PCDHA2: variants seen among roughly 807,000 people sequenced by gnomAD.
The protein encoded by PCDHA2 is protocadherin alpha-2.
Under a neutral mutation model 66.0 loss-of-function variants are expected in PCDHA2, and 58 were observed. The observed-to-expected ratio is 0.88, with a 90% CI of 0.71 to 1.09. The LOEUF (loss-of-function observed/expected upper bound fraction) is 1.09, where lower values mean the gene tolerates loss of function less well. Among genes scored for constraint, PCDHA2 ranks in the 50% least tolerant of loss-of-function variants. The pLI is 0.00. For missense variants in PCDHA2, 1,267 were observed against 1,242.3 expected (o/e 1.02, Z -0.30); for synonymous variants, 634 against 554.0 (o/e 1.14, Z -2.03).
intron 1 of PCDHA2, chr5:140,926,714 C>G: frequency 1.1e-6 from 1 of 951,084 alleles, no homozygotes; most frequent in Non-Finnish European, 1.4e-6. Context: ...TGGCCAGCCC[C>G]GGCAATGCCG....
chr5:140,808,850 G>A (rs1377582762), intron 1 of PCDHA2: 4 of 1,613,128 alleles, frequency 2.5e-6, no homozygotes, highest in South Asian at 1.1e-5. Context: ...GCAGGTGTTC[G>A]TGCTGGACGA....
At chr5:140,911,299 T>A (rs1583781432) in intron 1 of PCDHA2, among the ~76,000 whole-genome samples, 1 of 152,154 alleles carries the variant, frequency 6.6e-6, no homozygotes, top group Non-Finnish European at 1.5e-5. Flanking sequence ...CTTTTACATA[T>A]CCCCATTCCA....
At chr5:140,821,663 A>G (rs1483441672) in intron 1 of PCDHA2, 31 of 1,228,850 alleles carry the variant, frequency 2.5e-5, no homozygotes, top group Non-Finnish European at 1.6e-5. Flanking sequence ...TGGCTGTGCC[A>G]AGAAGCTCAG....
At position 140,802,739 on chromosome 5, in the gene PCDHA2, C is replaced by T. The variant is rs1763012821; in HGVS notation, c.2388+5387C>T. On this transcript the variant is annotated intron_variant, in intron 1 of 3. Coordinates refer to ENST00000526136, the MANE Select transcript of PCDHA2 (RefSeq NM_018905.3). ...GCTACGTGTCGGTACACGCGGAGAG[C>T]GGCAAGGTGTACGCGCTGCAGCCGC... 4 of 1,612,374 alleles carry T rather than the reference C, an allele frequency of 2.5e-6. No homozygotes were observed. In the South Asian group the frequency reaches 3.3e-5, roughly 13 times the overall value.
At chr5:140,929,207 G>C (rs782298445) in intron 1 of PCDHA2, 2 of 1,613,988 alleles carry the variant, frequency 1.2e-6, no homozygotes, top group Admixed American at 1.7e-5. Context: ...TTGCTGTTGC[G>C]TGGGGAGTAC....
At position 140,835,539 on chromosome 5, in the gene PCDHA2, A is replaced by C; in HGVS notation, c.2388+38187A>C. 3 of 1,613,960 alleles carry C rather than the reference A, an allele frequency of 1.9e-6. No individual in the cohort carries two copies. The East Asian group carries it at 6.7e-5, about 36-fold the overall frequency. On this transcript the variant is annotated intron_variant, in intron 1 of 3. Coordinates refer to ENST00000526136, the MANE Select transcript of PCDHA2 (RefSeq NM_018905.3). ...AGATTTTGGAGTCAACGGACAGGTT[A>C]CCTGCTCCCTGACGCCCCGCGTTCC... is the stretch of plus-strand genomic sequence containing the variant.
rs1053953271 is a variant in PCDHA2 at position 140,853,589 on chromosome 5, C to G, written c.2388+56237C>G. 1.4e-5 allele frequency: 14 copies of G among 986,246 alleles called. 3 individuals are homozygous for G. The highest frequency in any genetic ancestry group is 1.7e-5 in the Non-Finnish European group (14 of 818,496). 61.1% of individuals were successfully genotyped at this position (986,246 alleles called of 1,614,324 possible). A position where few individuals can be genotyped will look rare whatever the true frequency, so the allele number is the denominator to read the frequency against. The stretch of plus-strand genomic sequence containing the variant: ...AAGTTGTCACCCAATATCTTAGACA[C>G]TTTGAGAGCAAAGGGGGTGCTGTAA... On this transcript the variant is annotated intron_variant, in intron 1 of 3. Coordinates refer to ENST00000526136, the MANE Select transcript of PCDHA2 (RefSeq NM_018905.3).
intron 1 of PCDHA2, among the ~76,000 whole-genome samples, chr5:140,972,732 C>T (rs2096552874): frequency 1.3e-5 from 2 of 149,646 alleles, no homozygotes; most frequent in Non-Finnish European, 3.0e-5. Flanking sequence ...GGCGTAATCC[C>T]GGCTCACTGC....
At chr5:140,856,686 C>T (rs782337552) in intron 1 of PCDHA2, 1 of 1,597,202 alleles carries the variant, frequency 6.3e-7, no homozygotes, top group Non-Finnish European at 8.6e-7. Context: ...TTGTTGACAG[C>T]AACTGATGGA....
intron 1 of PCDHA2, among the ~76,000 whole-genome samples, chr5:140,932,302 G>A (rs565143074): frequency 6.6e-6 from 1 of 151,800 alleles, no homozygotes; most frequent in African/African-American, 2.4e-5. Context: ...AATTTTTAAA[G>A]GTATAAATAT....
intron 1 of PCDHA2, chr5:140,966,543 A>C (rs200134570): frequency 6.5e-6 from 3 of 461,074 alleles, no homozygotes; most frequent in Admixed American, 4.3e-5. Context: ...AGCGACTCGG[A>C]GGCGAGCGGA....
At chr5:140,836,559 CCGT>C in intron 1 of PCDHA2, 1 of 1,613,740 alleles carries the variant, frequency 6.2e-7, no homozygotes, top group Non-Finnish European at 8.5e-7. Flanking sequence ...GTGCTCAGCG[CCGT>C]CCTCTGAGGG....
chr5:140,896,596 C>T (rs1554187019), intron 1 of PCDHA2, among the ~76,000 whole-genome samples: 2 of 151,466 alleles, frequency 1.3e-5, no homozygotes, highest in African/African-American at 4.9e-5. Flanking sequence ...AGGCTGGTCT[C>T]GAACTCCTGG....
intron 1 of PCDHA2, chr5:140,803,681 T>A: frequency 6.3e-7 from 1 of 1,580,086 alleles, no homozygotes; most frequent in Non-Finnish European, 8.6e-7. Flanking sequence ...AATAGTTAAG[T>A]ATGAATTATG....
intron 1 of PCDHA2, among the ~76,000 whole-genome samples, chr5:140,941,191 T>TTTTC (rs1217097209): frequency 2.1e-5 from 2 of 93,206 alleles, no homozygotes; most frequent in African/African-American, 7.9e-5. Flanking sequence ...GCTTCTTTTT[T>TTTTC]TTTCTTTCTT....
intron 1 of PCDHA2, chr5:140,968,614 A>T: frequency 6.2e-7 from 1 of 1,614,142 alleles, no homozygotes; most frequent in Non-Finnish European, 8.5e-7. Context: ...ACTCTGGGCA[A>T]AATGCTTGGC....
intron 2 of PCDHA2, among the ~76,000 whole-genome samples, chr5:140,982,082 C>G (rs188673632): frequency 6.6e-6 from 1 of 152,276 alleles, no homozygotes; most frequent in Admixed American, 6.5e-5. Flanking sequence ...AGTAGAGAAC[C>G]TAGGAACAAG....
At chr5:140,815,254 C>CT (rs1554126711) in intron 1 of PCDHA2, 1 of 152,030 alleles carries the variant, frequency 6.6e-6, no homozygotes, top group African/African-American at 2.4e-5. Flanking sequence ...AGCTTGTAGA[C>CT]TTTTTGCTCC....
chr5:140,951,252 A>G (rs568359458), intron 1 of PCDHA2, among the ~76,000 whole-genome samples: 1 of 151,856 alleles, frequency 6.6e-6, no homozygotes, highest in African/African-American at 2.4e-5. Context: ...AATGCATCAC[A>G]TTTTTCTGGT....
Sources: allele counts gnomAD v4.1 joint callset (sites outside exome capture counted in the v4.1 genomes callset), GRCh38; gene constraint gnomAD v4.1.1; transcripts MANE v1.5; gene names NCBI Gene and HGNC (gene_info 2026-07-23, HGNC 2026-07-21).